Variants in TRPS1 observed in about 807,000 individuals in gnomAD.
TRPS1 encodes the protein transcriptional repressor GATA binding 1, also known as zinc finger transcription factor Trps1.
TRPS1 carries 6 observed loss-of-function variants against 101.2 expected under a neutral mutation model. That is an observed-to-expected ratio of 0.06 (90% CI 0.03 to 0.12). The LOEUF (loss-of-function observed/expected upper bound fraction) is 0.12. Among genes scored for constraint, TRPS1 ranks in the 10% least tolerant of loss-of-function variants. The probability of loss-of-function intolerance (pLI) is 1.00; values close to 1 mark genes in which losing one functional copy is unlikely to be tolerated. For missense variants in TRPS1, 1,363 were observed against 1,567.0 expected (o/e 0.87, Z 2.20); for synonymous variants, 578 against 589.8 (o/e 0.98, Z 0.29).
At chr8:115,449,259 T>C (rs1405574636) in intron 5 of TRPS1, among the ~76,000 whole-genome samples, 1 of 152,202 alleles carries the variant, frequency 6.6e-6, no homozygotes, top group Non-Finnish European at 1.5e-5. Flanking sequence ...CACAGATATC[T>C]TTCTTTTTCC....
chr8:115,615,750 G>A lies in TRPS1; in HGVS notation c.966+3382C>T, dbSNP rs189098159. 2.5e-3 allele frequency among the ~76,000 whole-genome samples: 374 copies of A among 152,200 alleles called. 2 individuals are homozygous for A. The highest frequency in any genetic ancestry group is 8.4e-3 in the African/African-American group (349 of 41,542). ...CACTCCAGCCTGGGTGACAGAGTGA[G>A]ATCTCCATCTCCAAAAAGAAAAAGA... On this transcript the variant is annotated intron_variant, in intron 3 of 6. Transcript: ENST00000395715.
At chr8:115,598,694 G>T (rs974764768) in intron 4 of TRPS1, among the ~76,000 whole-genome samples, 2 of 152,136 alleles carry the variant, frequency 1.3e-5, no homozygotes, top group African/African-American at 4.8e-5. Flanking sequence ...ATCAGAAAAT[G>T]TCTTTGCTTT....
chr8:115,610,410 T>C (rs1315549487), intron 3 of TRPS1, among the ~76,000 whole-genome samples: 1 of 152,218 alleles, frequency 6.6e-6, no homozygotes, highest in Non-Finnish European at 1.5e-5. Flanking sequence ...TTCTAGAATA[T>C]AGAGTGTGCT....
At chr8:115,561,799 T>G (rs768757802) in intron 5 of TRPS1, among the ~76,000 whole-genome samples, 4 of 151,548 alleles carry the variant, frequency 2.6e-5, no homozygotes, top group Non-Finnish European at 5.9e-5. Context: ...CCATCAAGCA[T>G]GTACTGGAAT....
chr8:115,597,724 T>C (rs2130473631), intron 4 of TRPS1, among the ~76,000 whole-genome samples: 1 of 152,292 alleles, frequency 6.6e-6, no homozygotes, highest in South Asian at 2.1e-4. Context: ...TTTGCTTTAC[T>C]TATTTGTATT....
In TRPS1 at chr8:115,650,631, C is replaced by T. The variant is rs989439706; in HGVS notation, c.-122+17914G>A. Reference sequence around the variant, plus strand: ...AGTTCTTAAACTTCAAAATTGTTCCCAGGCTTTTAAGATGAAATTAAAAGT... The same window carrying T: ...AGTTCTTAAACTTCAAAATTGTTCCTAGGCTTTTAAGATGAAATTAAAAGT... On this transcript the variant is annotated intron_variant, in intron 1 of 6. Coordinates refer to ENST00000395715, the MANE Select transcript of TRPS1 (RefSeq NM_014112.5). 2.6e-5 allele frequency among the ~76,000 whole-genome samples: 4 copies of T among 152,154 alleles called. No individual in the cohort carries two copies. The East Asian group carries it at 5.8e-4, about 22-fold the overall frequency.
chr8:115,439,098 G>A (rs1813525438), intron 5 of TRPS1, among the ~76,000 whole-genome samples: 1 of 152,144 alleles, frequency 6.6e-6, no homozygotes, highest in African/African-American at 2.4e-5. Flanking sequence ...ATAGCACAGT[G>A]AGAAGTGCAG....
At chr8:115,459,545 T>C (rs973012594) in intron 5 of TRPS1, among the ~76,000 whole-genome samples, 7 of 152,146 alleles carry the variant, frequency 4.6e-5, no homozygotes, top group African/African-American at 1.7e-4. Context: ...TTCAGGTTTG[T>C]AGAATGACAA....
intron 5 of TRPS1, among the ~76,000 whole-genome samples, chr8:115,501,733 T>G (rs1815324493): frequency 6.6e-6 from 1 of 152,182 alleles, no homozygotes. Context: ...TAGAAAATCA[T>G]TTTTGTTTGT....
chr8:115,488,596 A>C (rs1329710661), intron 5 of TRPS1, among the ~76,000 whole-genome samples: 1 of 152,136 alleles, frequency 6.6e-6, no homozygotes, highest in Non-Finnish European at 1.5e-5. Flanking sequence ...AATTACTTGA[A>C]TCCAGGAGGT....
At chr8:115,434,997 A>G (rs12334912) in intron 5 of TRPS1, among the ~76,000 whole-genome samples, 8 of 152,198 alleles carry the variant, frequency 5.3e-5, no homozygotes, top group African/African-American at 1.9e-4. Context: ...ATCGAAGAAC[A>G]TAAGAAATGT....
intron 5 of TRPS1, among the ~76,000 whole-genome samples, chr8:115,426,868 TCTCCTTTTATTGATGAAGTACAAAA>T (rs1813199971): frequency 6.6e-6 from 1 of 152,164 alleles, no homozygotes; most frequent in African/African-American, 2.4e-5. Context: ...TTACTATTAC[TCTCCTTTTATTGATGAAGTACAAAA>T]CTGACAATAG....
intron 5 of TRPS1, among the ~76,000 whole-genome samples, chr8:115,520,871 T>G (rs979046034): frequency 4.6e-5 from 7 of 151,882 alleles, no homozygotes; most frequent in Non-Finnish European, 7.4e-5. Context: ...TTTTTCCATC[T>G]CACTATTTTC....
At chr8:115,431,773 C>A (rs1586267213) in intron 5 of TRPS1, among the ~76,000 whole-genome samples, 1 of 151,762 alleles carries the variant, frequency 6.6e-6, no homozygotes, top group African/African-American at 2.4e-5. Context: ...ATATTTGATT[C>A]CTAGATTATA....
intron 4 of TRPS1, among the ~76,000 whole-genome samples, chr8:115,591,244 G>A (rs1455849329): frequency 2.0e-5 from 3 of 152,130 alleles, no homozygotes; most frequent in Non-Finnish European, 1.5e-5. Context: ...TTTTATGAAT[G>A]TATTCATTAA....
intron 5 of TRPS1, among the ~76,000 whole-genome samples, chr8:115,578,106 T>A (rs2130419291): frequency 6.6e-6 from 1 of 152,342 alleles, no homozygotes; most frequent in East Asian, 1.9e-4. Flanking sequence ...ATATGCAATA[T>A]AAAGTAAGCT....
intron 2 of TRPS1, among the ~76,000 whole-genome samples, chr8:115,620,919 TAAGA>T (rs1818379196): frequency 1.3e-5 from 2 of 152,292 alleles, no homozygotes; most frequent in South Asian, 4.1e-4. Context: ...GGAAACTGAC[TAAGA>T]AAGAAGATTA....
At chr8:115,422,632 C>T (rs911974650) in intron 5 of TRPS1, among the ~76,000 whole-genome samples, 2 of 152,202 alleles carry the variant, frequency 1.3e-5, no homozygotes, top group Non-Finnish European at 2.9e-5. Flanking sequence ...TCCCAAAGTG[C>T]TGGGATTACA....
chr8:115,637,388 A>G, intron 1 of TRPS1: 1 of 809,056 alleles, frequency 1.2e-6, no homozygotes, highest in Non-Finnish European at 1.5e-6. Context: ...TAGACGGAAG[A>G]AGGGAAAGGT....
Sources: allele counts gnomAD v4.1 joint callset (sites outside exome capture counted in the v4.1 genomes callset), GRCh38; gene constraint gnomAD v4.1.1; transcripts MANE v1.5; gene names NCBI Gene and HGNC (gene_info 2026-07-23, HGNC 2026-07-21).